STK32B: variants seen among roughly 807,000 people sequenced by gnomAD.
STK32B encodes the protein serine/threonine kinase 32B.
A neutral mutation model predicts 52.6 loss-of-function variants in STK32B; 43 were observed. That is an observed-to-expected ratio of 0.82 (90% confidence interval 0.64 to 1.05). The LOEUF is 1.05. STK32B is among the 50% of genes least tolerant of loss of function. The pLI, the probability that STK32B is intolerant of heterozygous loss-of-function variation, is 0.00. For missense variants in STK32B, 621 were observed against 534.6 expected, an observed-to-expected ratio of 1.16 and a Z score of -1.59; for synonymous variants, 238 against 204.3, an observed-to-expected ratio of 1.17 and a Z score of -1.41.
At chr4:5,161,184 C>T (rs921134933) in intron 2 of STK32B, among the ~76,000 whole-genome samples, 18 of 152,152 alleles carry the variant, frequency 1.2e-4, no homozygotes, top group African/African-American at 1.9e-4. Context: ...GAGTGAAATA[C>T]TCATCCAAGT....
chr4:5,143,734 A>C (rs1157745215), intron 2 of STK32B, among the ~76,000 whole-genome samples: 1 of 130,190 alleles, frequency 7.7e-6, no homozygotes, highest in Admixed American at 7.5e-5. Context: ...CCTCCCTCCA[A>C]ACTGGCCAGC....
intron 3 of STK32B, among the ~76,000 whole-genome samples, chr4:5,263,228 C>T (rs1726843423): frequency 6.6e-6 from 1 of 152,190 alleles, no homozygotes. Flanking sequence ...TGTATCAATG[C>T]AGTCCCATAT....
At chr4:5,081,989 G>A (rs1415545477) in intron 1 of STK32B, among the ~76,000 whole-genome samples, 1 of 152,076 alleles carries the variant, frequency 6.6e-6, no homozygotes, top group African/African-American at 2.4e-5. Context: ...TTCTGTCTTT[G>A]CATTTGAAAA....
intron 3 of STK32B, among the ~76,000 whole-genome samples, chr4:5,198,779 C>T (rs771651419): frequency 6.6e-6 from 1 of 152,202 alleles, no homozygotes; most frequent in Non-Finnish European, 1.5e-5. Context: ...TCATGCTCTA[C>T]TGCATCCAAA....
At chr4:5,188,169 T>G (rs73093656) in intron 3 of STK32B, among the ~76,000 whole-genome samples, 4,950 of 152,188 alleles carry the variant, frequency 0.033, 270 homozygotes, top group African/African-American at 0.11. Context: ...ATCCTATAAA[T>G]TTGCTGGAGA....
intron 4 of STK32B, among the ~76,000 whole-genome samples, chr4:5,379,183 G>A (rs553563820): frequency 3.5e-4 from 54 of 152,258 alleles, no homozygotes; most frequent in Admixed American, 1.7e-3. Context: ...GACTGTCGGC[G>A]GAGCTGGACT....
At position 5,140,237 on chromosome 4, in the gene STK32B, A is replaced by G. The variant is rs1364850946; in HGVS notation, c.108+277A>G. 2.1e-6 allele frequency: 3 copies of G among 1,449,370 alleles called. No individual in the cohort carries two copies. The African/African-American group carries it at 4.2e-5, about 20-fold the overall frequency. 89.8% of individuals were successfully genotyped at this position (1,449,370 alleles called of 1,614,324 possible). ...TTGTTCCTTGAGAATCTAAGTGAGG[A>G]AAGTTGAAAAAAAACCCATAAACAT... On this transcript the variant is annotated intron_variant, in intron 2 of 11. Coordinates refer to ENST00000282908, the MANE Select transcript of STK32B (RefSeq NM_018401.3).
chr4:5,437,107 G>A (rs4689231), intron 6 of STK32B, among the ~76,000 whole-genome samples: 14,661 of 152,248 alleles, frequency 0.096, 1,088 homozygotes, highest in East Asian at 0.41. Context: ...TACTCCTGGC[G>A]GTTGCCCAGT....
intron 4 of STK32B, among the ~76,000 whole-genome samples, chr4:5,371,807 T>C (rs549328665): frequency 1.3e-5 from 2 of 152,350 alleles, no homozygotes; most frequent in East Asian, 3.9e-4. Context: ...ATTTCCAAAA[T>C]CAAGACTTGA....
chr4:5,168,362 A>C lies in STK32B; in HGVS notation c.172A>C (p.Lys58Gln), dbSNP rs143425183. 4.3e-6 allele frequency: 7 copies of C among 1,613,816 alleles called. No homozygotes were observed. Among genetic ancestry groups the C allele is most frequent in the Non-Finnish European group, 5.1e-6 (6 of 1,179,998 alleles). Residue 58 changes from lysine (K) to glutamine (Q), a missense_variant, in exon 3 of 12, where the codon AAG (lysine) becomes CAG (glutamine). Transcript: ENST00000282908. ...TGCAATGAAGTACATGAACAAGCAG[A>C]AGTGCATCGAGAGGGATGAGGTTCG... is the stretch of plus-strand genomic sequence containing the variant. ...MYAMKYMNKQKCIERDEVRNV... is the reference protein window; with the variant it reads ...MYAMKYMNKQQCIERDEVRNV...
intron 4 of STK32B, among the ~76,000 whole-genome samples, chr4:5,358,352 AAAGC>A (rs1316839146): frequency 6.6e-6 from 1 of 152,234 alleles, no homozygotes; most frequent in African/African-American, 2.4e-5. Flanking sequence ...AAGATGTTCA[AAAGC>A]AAGACGATGA....
rs554029638 is a variant in STK32B, at chr4:5,357,888, C to T, written c.434+26495C>T. On this transcript the variant is annotated intron_variant, in intron 4 of 11. Transcript: ENST00000282908. Reference sequence around the variant, plus strand: ...TGCCAATTGTCATCTGGTTAAAGAACGACTTAAGCAGTACTCTTTCATTAC... The same window carrying T: ...TGCCAATTGTCATCTGGTTAAAGAATGACTTAAGCAGTACTCTTTCATTAC... 2.0e-3 allele frequency among the ~76,000 whole-genome samples: 304 copies of T among 152,182 alleles called. 5 individuals are homozygous for T. Among genetic ancestry groups the T allele is most frequent in the African/African-American group, 7.0e-3 (290 of 41,524 alleles).
intron 3 of STK32B, among the ~76,000 whole-genome samples, chr4:5,227,936 G>A (rs1022518693): frequency 1.3e-5 from 2 of 152,106 alleles, no homozygotes; most frequent in African/African-American, 2.4e-5. Flanking sequence ...CAGCAGTTTC[G>A]CCCATCACTG....
At chr4:5,263,495 A>T (rs1352543204) in intron 3 of STK32B, among the ~76,000 whole-genome samples, 2 of 152,168 alleles carry the variant, frequency 1.3e-5, no homozygotes, top group African/African-American at 4.8e-5. Flanking sequence ...AGGATGTTCT[A>T]CTTATTATCC....
intron 1 of STK32B, among the ~76,000 whole-genome samples, chr4:5,136,835 C>T (rs956087063): frequency 3.3e-5 from 5 of 152,058 alleles, no homozygotes; most frequent in African/African-American, 9.7e-5. Context: ...TGTAGTACAC[C>T]CCAGGGAGAT....
Position 5,394,221 on chromosome 4 carries a change from G to C in STK32B, c.435-3986G>C, listed in dbSNP as rs1736743690. On this transcript the variant is annotated intron_variant, in intron 4 of 11. Transcript: ENST00000282908. This position sits in a 1 kb window ranked among gnomAD's most constrained non-coding sequence, Gnocchi z 4.2. ...GGGAATAATTCAAGAGCAGCACCGG[G>C]TTTTATAGCCCTGCATGCGTACTTT... Among the ~76,000 whole-genome samples the C allele has an allele frequency of 6.6e-6, 1 of 152,098 alleles. No individual in the cohort carries two copies. The highest frequency in any genetic ancestry group is 1.5e-5 in the Non-Finnish European group (1 of 68,024).
rs1306440551 is a variant in STK32B at position 5,380,915 on chromosome 4, A to G, written c.435-17292A>G. ...CAGCTCATCATAGTTGTCAGTGCCA[A>G]CGTCATCATTATCCTCTCCAGCAGC... is the stretch of plus-strand genomic sequence containing the variant. On this transcript the variant is annotated intron_variant, in intron 4 of 11. Transcript: ENST00000282908. This position sits in a 1 kb window ranked among gnomAD's most constrained non-coding sequence, Gnocchi z 4.3. Among the ~76,000 whole-genome samples the G allele has an allele frequency of 6.6e-6, 1 of 152,152 alleles. No individual in the cohort carries two copies. Among genetic ancestry groups the G allele is most frequent in the Non-Finnish European group, 1.5e-5 (1 of 68,024 alleles).
In STK32B at chr4:5,466,771, C is replaced by T. The variant is rs142598304; in HGVS notation, c.978C>T (p.His326=). Residue 326 remains histidine, a synonymous_variant, in exon 10 of 12, where the codon CAC becomes CAT. Coordinates refer to ENST00000282908, the MANE Select transcript of STK32B (RefSeq NM_018401.3). ...EEMILESKPL[H]KKKKRLAKNR... Reference sequence around the variant, plus strand: ...TGATTCTAGAATCCAAGCCACTTCACAAAAAGAAGAAGCGATTGGCAAAGA... The same window carrying T: ...TGATTCTAGAATCCAAGCCACTTCATAAAAAGAAGAAGCGATTGGCAAAGA... The T allele has an allele frequency of 6.2e-7, 1 of 1,613,848 alleles. No individual in the cohort carries two copies. The highest frequency in any genetic ancestry group is 8.5e-7 in the Non-Finnish European group (1 of 1,179,968).
intron 1 of STK32B, among the ~76,000 whole-genome samples, chr4:5,053,158 C>T (rs1741856434): frequency 6.6e-6 from 1 of 152,206 alleles, no homozygotes; most frequent in Non-Finnish European, 1.5e-5. Flanking sequence ...AAGTGAGCAC[C>T]TGCTGTGTCA....
Sources: gnomAD v4.1 joint callset for allele counts (sites outside exome capture counted in the v4.1 genomes callset) on GRCh38, gnomAD v4.1.1 for gene constraint, Gnocchi (gnomAD v3.1) non-coding constraint, MANE v1.5 for transcripts, NCBI Gene and HGNC (gene_info 2026-07-23, HGNC 2026-07-21) for gene names.